DGCR2: variants seen among roughly 807,000 people sequenced by gnomAD.
The protein encoded by DGCR2 is DiGeorge syndrome critical region gene 2, also known as integral membrane protein DGCR2/IDD.
DGCR2 carries 24 observed loss-of-function variants against 51.6 expected under a neutral mutation model. The ratio of observed to expected loss-of-function variants is 0.47; its 90% CI spans 0.34 to 0.65. DGCR2 has a LOEUF of 0.65. DGCR2 is among the 30% of genes least tolerant of loss of function. The pLI, the probability that DGCR2 is intolerant of heterozygous loss-of-function variation, is 0.01. For synonymous variants in DGCR2, 340 were observed against 315.4 expected, an observed-to-expected ratio of 1.08 and a Z score of -0.82; for missense variants, 765 against 772.1, an observed-to-expected ratio of 0.99 and a Z score of 0.11.
rs774812714 is a variant in DGCR2 at position 19,050,816 on chromosome 22, GA to G, written c.803-2174del. On this transcript the variant is annotated intron_variant, in intron 6 of 9. Coordinates refer to ENST00000263196, the MANE Select transcript of DGCR2 (RefSeq NM_005137.3). ...TAGACTTAAATGTAAAACGGAAAAT[GA>G]TTAAAATTTTAGGAAAAAAACACAG... Among the ~76,000 whole-genome samples, 5 of 152,254 alleles carry G rather than the reference GA, an allele frequency of 3.3e-5. No homozygotes were observed. In the South Asian group the frequency reaches 6.2e-4, roughly 19 times the overall value.
intron 5 of DGCR2, chr22:19,061,234 C>T (rs1398919121): frequency 5.9e-6 from 1 of 170,212 alleles, no homozygotes; most frequent in Non-Finnish European, 1.3e-5. Flanking sequence ...CTGGGCTGGG[C>T]TAGACGTGCT....
intron 1 of DGCR2, among the ~76,000 whole-genome samples, chr22:19,089,704 C>T (rs974197595): frequency 1.3e-5 from 2 of 152,266 alleles, no homozygotes; most frequent in Non-Finnish European, 2.9e-5. Context: ...CCTCAGCCTC[C>T]TGAGTAGCTG....
At position 19,041,975 on chromosome 22, in the gene DGCR2, G is replaced by A. The variant is rs1377123366; in HGVS notation, c.1007-16C>T. ...CTGTTGCCATCTGAGGGGGAGGGGA[G>A]GAAATGGCCGCTCTGAGAAGGGGGC... On this transcript the variant is annotated splice_polypyrimidine_tract_variant and intron_variant, in intron 7 of 9. Transcript: ENST00000263196. 6.2e-7 allele frequency: 1 copy of A among 1,609,302 alleles called. No homozygotes were observed.
chr22:19,122,036 G>A lies in DGCR2; in HGVS notation c.79+92C>T, dbSNP rs2083439472. The stretch of plus-strand genomic sequence containing the variant: ...CGCCCCTGCCCCAGGCGCGGCCCCT[G>A]CAGGAGGGCGCCGCGGGTGAAAGGA... On this transcript the variant is annotated intron_variant, in intron 1 of 9. Transcript: ENST00000263196. 1.0e-5 allele frequency: 10 copies of A among 974,210 alleles called. No homozygotes were observed. In the East Asian group the frequency reaches 3.8e-4, roughly 37 times the overall value. The allele number at this position is 974,210 out of a possible 1,614,324, so 60.3% of individuals were successfully genotyped here.
In DGCR2 at chr22:19,039,127, G is replaced by C. The variant is rs565271987; in HGVS notation, c.1397-6C>G. On this transcript the variant is annotated splice_region_variant and splice_polypyrimidine_tract_variant and intron_variant, in intron 9 of 9. Transcript: ENST00000263196. ...AGGCTCAAAAGCATCATCGTCTGCAGGAAGAGACAGAGGGGTGTCAGAGGC... is the reference window on the plus strand; with the variant it reads ...AGGCTCAAAAGCATCATCGTCTGCACGAAGAGACAGAGGGGTGTCAGAGGC... 5 of 1,612,818 alleles carry C rather than the reference G, an allele frequency of 3.1e-6. No individual in the cohort carries two copies. The highest frequency in any genetic ancestry group is 4.2e-6 in the Non-Finnish European group (5 of 1,179,892).
intron 2 of DGCR2, among the ~76,000 whole-genome samples, chr22:19,088,421 C>A (rs1225790921): frequency 1.3e-5 from 2 of 152,142 alleles, no homozygotes; most frequent in Non-Finnish European, 2.9e-5. Flanking sequence ...AGAAACAGAA[C>A]AAGAGAATTC....
chr22:19,114,463 G>A (rs573900703), intron 1 of DGCR2, among the ~76,000 whole-genome samples: 1 of 152,280 alleles, frequency 6.6e-6, no homozygotes, highest in South Asian at 2.1e-4. Context: ...AAACCTCCAA[G>A]AACTGCAGCA....
At chr22:19,108,098 A>C (rs994968327) in intron 1 of DGCR2, among the ~76,000 whole-genome samples, 2 of 152,192 alleles carry the variant, frequency 1.3e-5, no homozygotes, top group African/African-American at 4.8e-5. Context: ...CAGGAGGAGA[A>C]CCATAAGGTG....
rs756860255 is a variant in DGCR2 at position 19,092,453 on chromosome 22, TTA to T, written c.80-2965_80-2964del. ...GAATAAGGTAATAGTATGAAAAACT[TTA>T]TGTCAATAAATCTGACAATTTGGAT... is the stretch of plus-strand genomic sequence containing the variant. On this transcript the variant is annotated intron_variant, in intron 1 of 9. Transcript: ENST00000263196. Among the ~76,000 whole-genome samples, 5 of 152,322 alleles carry T rather than the reference TTA, an allele frequency of 3.3e-5. No homozygotes were observed. The East Asian group carries it at 9.6e-4, about 29-fold the overall frequency.
intron 1 of DGCR2, among the ~76,000 whole-genome samples, chr22:19,090,531 A>T (rs2083066875): frequency 6.6e-6 from 1 of 152,250 alleles, no homozygotes; most frequent in South Asian, 2.1e-4. Flanking sequence ...TAAAGTTCTG[A>T]AAGAAAAAGC....
At chr22:19,120,113 A>G (rs1419109224) in intron 1 of DGCR2, among the ~76,000 whole-genome samples, 1 of 152,218 alleles carries the variant, frequency 6.6e-6, no homozygotes, top group African/African-American at 2.4e-5. Flanking sequence ...TCAGGCCCAG[A>G]GGCCTGCCCT....
At chr22:19,096,895 A>C (rs56001971) in intron 1 of DGCR2, among the ~76,000 whole-genome samples, 13,255 of 101,624 alleles carry the variant, frequency 0.13, 677 homozygotes, top group Middle Eastern at 0.22. Context: ...AAAAAAAAAC[A>C]AAAAAAAAAA....
chr22:19,056,975 AG>A lies in DGCR2; in HGVS notation c.802+10del, dbSNP rs751751190. The A allele has an allele frequency of 3.8e-6, 6 of 1,570,442 alleles. No homozygotes were observed. The highest frequency in any genetic ancestry group is 5.2e-6 in the Non-Finnish European group (6 of 1,156,744). ...GACATTCCCCAAGAACGCCAGCTCA[AG>A]GGGGCTTACTTCTTTTACACAGAAA... On this transcript the variant is annotated intron_variant, in intron 6 of 9. Coordinates refer to ENST00000263196, the MANE Select transcript of DGCR2 (RefSeq NM_005137.3).
At chr22:19,040,906 C>T in intron 9 of DGCR2, 152 bp downstream of exon 9, 1 of 701,928 alleles carries the variant, frequency 1.4e-6, no homozygotes, top group Non-Finnish European at 2.3e-6. Flanking sequence ...TCTGCACGGG[C>T]AGCCCCAGGA....
chr22:19,108,569 TAAAAAAAAAAAAAAAAAA>T lies in DGCR2; in HGVS notation c.79+13541_79+13558del, dbSNP rs55803042. On this transcript the variant is annotated intron_variant, in intron 1 of 9. Transcript: ENST00000263196. ...CAGCCTGGGCAACAGAGAATTTATCTAAAAAAAAAAAAAAAAAAAAAAAAAAAAAAAAAAAGATGCACA... is the reference window on the plus strand; with the variant it reads ...CAGCCTGGGCAACAGAGAATTTATCTAAAAAAAAAAAAAAAAAGATGCACA... Among the ~76,000 whole-genome samples, 193 of 90,804 alleles carry T rather than the reference TAAAAAAAAAAAAAAAAAA, an allele frequency of 2.1e-3. 1 individual carries two copies. The highest frequency in any genetic ancestry group is 5.6e-3 in the African/African-American group (152 of 27,060). 59.6% of individuals were successfully genotyped at this position (90,804 alleles called of 152,430 possible).
chr22:19,116,728 T>A (rs962141448), intron 1 of DGCR2, among the ~76,000 whole-genome samples: 3 of 152,122 alleles, frequency 2.0e-5, no homozygotes, highest in African/African-American at 7.2e-5. Context: ...GTCAAGAAAC[T>A]ACTAAATGCC....
chr22:19,093,804 C>T (rs1407558991), intron 1 of DGCR2, among the ~76,000 whole-genome samples: 1 of 152,014 alleles, frequency 6.6e-6, no homozygotes, highest in Non-Finnish European at 1.5e-5. Flanking sequence ...CAAAACCAGC[C>T]TGTGCAACAT....
rs2525025 is a variant in DGCR2, at chr22:19,064,929, G to A, written c.467C>T (p.Ser156Phe). 1 of 1,614,004 alleles carries A rather than the reference G, an allele frequency of 6.2e-7. No individual in the cohort carries two copies. Among genetic ancestry groups the A allele is most frequent in the Non-Finnish European group, 8.5e-7 (1 of 1,180,050 alleles). Reference protein sequence around the residue: ...QRLNGSLATFSTDQELRFVLA... With the variant: ...QRLNGSLATFFTDQELRFVLA... ...GACAAAGCGCAGCTCCTGGTCAGTGGAGAAGGTGGCGAGAGAGCCATTCAG... is the reference window on the plus strand; with the variant it reads ...GACAAAGCGCAGCTCCTGGTCAGTGAAGAAGGTGGCGAGAGAGCCATTCAG... The change falls in exon 4 of 10, where the codon TCC becomes TTC. Residue 156 changes from serine to phenylalanine, a missense_variant. Ser to Phe is a radical substitution (Grantham distance 155). This residue lies in a region of DGCR2 where 370 missense variants were observed against 325.5 expected (regional missense o/e 1.14). Transcript: ENST00000263196.
At chr22:19,089,225 C>G (rs1397284112) in intron 2 of DGCR2, 143 bp downstream of exon 2, 4 of 957,274 alleles carry the variant, frequency 4.2e-6, no homozygotes, top group Admixed American at 3.0e-5. Context: ...GACAGAAAGA[C>G]AGAGAGAGAG....
Sources: gnomAD v4.1 joint callset for allele counts (sites outside exome capture counted in the v4.1 genomes callset) on GRCh38, gnomAD v4.1.1 for gene constraint, gnomAD v4.1.1 regional missense constraint, MANE v1.5 for transcripts, NCBI Gene and HGNC (gene_info 2026-07-23, HGNC 2026-07-21) for gene names.